The following CAND1 variants were observed in gnomAD, a reference collection of about 807,000 sequenced individuals.
The protein encoded by CAND1 is cullin-associated NEDD8-dissociated protein 1.
Under a neutral mutation model 108.5 loss-of-function variants are expected in CAND1, and 7 were observed. That is an observed-to-expected ratio of 0.06 (90% CI 0.04 to 0.12). CAND1 has a LOEUF of 0.12. Among genes scored for constraint, CAND1 ranks in the 10% least tolerant of loss-of-function variants. The pLI is 1.00. For missense variants in CAND1, 941 were observed against 1,448.7 expected, an observed-to-expected ratio of 0.65 and a Z score of 5.69; for synonymous variants, 534 against 512.0, an observed-to-expected ratio of 1.04 and a Z score of -0.58.
chr12:67,269,565 G>A lies in CAND1; in HGVS notation c.-153G>A. The A allele has an allele frequency of 3.3e-6, 2 of 614,990 alleles. No individual in the cohort carries two copies. Among genetic ancestry groups the A allele is most frequent in the Non-Finnish European group, 2.8e-6 (1 of 363,066 alleles). The allele number at this position is 614,990 out of a possible 1,614,324, so 38.1% of individuals were successfully genotyped here. A position where few individuals can be genotyped will look rare whatever the true frequency, so the allele number is the denominator to read the frequency against. On this transcript the variant is annotated 5_prime_UTR_variant, in exon 1 of 15. Transcript: ENST00000545606. The stretch of plus-strand genomic sequence containing the variant: ...GCCAGGGAGGGGGCAGCCCGTCGAG[G>A]CGCCTCCCTAGTCAGCGTCGGCGTC...
chr12:67,302,231 T>C, intron 7 of CAND1, 92 bp from the exon 8 acceptor site: 5 of 1,181,876 alleles, frequency 4.2e-6, no homozygotes, highest in Non-Finnish European at 6.0e-6. Context: ...TTAGATTAAC[T>C]GATTTGGTTA....
chr12:67,309,890 T>G lies in CAND1; in HGVS notation c.3026-11T>G. The G allele has an allele frequency of 6.3e-7, 1 of 1,580,676 alleles. No homozygotes were observed. Among genetic ancestry groups the G allele is most frequent in the Non-Finnish European group, 8.6e-7 (1 of 1,162,016 alleles). On this transcript the variant is annotated splice_polypyrimidine_tract_variant and intron_variant, in intron 11 of 14. Transcript: ENST00000545606. ...TCATGTCTGTCTGTTGCTTTTCTTG[T>G]AATATTTCAGGTGATTTCCTAAAAA...
chr12:67,269,603 T>A lies in CAND1; in HGVS notation c.-115T>A. ...CAGCGTCGGCGTCGCGCTGCGACCC[T>A]GGAAGCGGGAGCCGCCGCGAGCGAG... On this transcript the variant is annotated 5_prime_UTR_variant, in exon 1 of 15. Coordinates refer to ENST00000545606, the MANE Select transcript of CAND1 (RefSeq NM_018448.5). The A allele has an allele frequency of 1.1e-6, 1 of 871,318 alleles. No homozygotes were observed. The highest frequency in any genetic ancestry group is 1.8e-6 in the Non-Finnish European group (1 of 565,526). 54.0% of individuals were successfully genotyped at this position (871,318 alleles called of 1,614,324 possible).
At position 67,308,543 on chromosome 12, in the gene CAND1, G is replaced by T. The variant is rs182244395; in HGVS notation, c.3025+1051G>T. Among the ~76,000 whole-genome samples, 10 of 152,170 alleles carry T rather than the reference G, an allele frequency of 6.6e-5. 1 individual carries two copies. The East Asian group carries it at 1.9e-3, about 29-fold the overall frequency. The stretch of plus-strand genomic sequence containing the variant: ...TATGCATTGTTGATACAGTTACTCA[G>T]CCAGGTAGTTAGCATTCTAATTGAA... On this transcript the variant is annotated intron_variant, in intron 11 of 14. Transcript: ENST00000545606.
At chr12:67,283,644 C>CAAAGAA (rs1453671626) in intron 2 of CAND1, among the ~76,000 whole-genome samples, 2 of 150,242 alleles carry the variant, frequency 1.3e-5, no homozygotes, top group African/African-American at 4.9e-5. Context: ...TAGTTTAATT[C>CAAAGAA]TTTATCTTTT....
Position 67,306,109 on chromosome 12 carries a change from G to A in CAND1, c.2441G>A (p.Gly814Glu), listed in dbSNP as rs1318180358. 3.1e-6 allele frequency: 5 copies of A among 1,614,116 alleles called. No homozygotes were observed. In the East Asian group the frequency reaches 8.9e-5, roughly 29 times the overall value. The change falls in exon 10 of 15, where the codon GGA (glycine) becomes GAA (glutamate). Residue 814 changes from glycine (G) to glutamate (E), a missense_variant. Coordinates refer to ENST00000545606, the MANE Select transcript of CAND1 (RefSeq NM_018448.5). The stretch of plus-strand genomic sequence containing the variant: ...CTTACTCGAGCATGCCCTAAAGAGG[G>A]ACCAGCTGTAGTAGGTCAGTTTATT... Reference protein sequence around the residue: ...AALTRACPKEGPAVVGQFIQD... With the variant: ...AALTRACPKEEPAVVGQFIQD...
intron 2 of CAND1, among the ~76,000 whole-genome samples, chr12:67,290,749 T>C (rs1249253716): frequency 6.6e-6 from 1 of 152,150 alleles, no homozygotes; most frequent in African/African-American, 2.4e-5. Context: ...CAGTGACTTC[T>C]TAATATAGGG....
At chr12:67,298,483 T>A (rs548437672) in intron 6 of CAND1, among the ~76,000 whole-genome samples, 13 of 152,312 alleles carry the variant, frequency 8.5e-5, no homozygotes, top group Admixed American at 5.9e-4. Flanking sequence ...GATTCATTTT[T>A]GTTCCTTTAG....
rs928582705 is a variant in CAND1 at position 67,315,004 on chromosome 12, C to A, written c.*2174C>A. 6.6e-6 allele frequency: 1 copy of A among 152,162 alleles called. No homozygotes were observed. The highest frequency in any genetic ancestry group is 6.5e-5 in the Admixed American group (1 of 15,274). The allele number at this position is 152,162 out of a possible 1,614,324, so 9.4% of individuals were successfully genotyped here. On this transcript the variant is annotated 3_prime_UTR_variant, in exon 15 of 15. Transcript: ENST00000545606. ...GGATGTGGAGTCCAGACATAGTCTA[C>A]CACTCATGCTACTTACTAGTAATAT...
intron 1 of CAND1, among the ~76,000 whole-genome samples, chr12:67,281,121 AATT>A (rs1333377736): frequency 1.3e-5 from 2 of 150,504 alleles, no homozygotes; most frequent in East Asian, 3.9e-4. Flanking sequence ...TATAAATTAT[AATT>A]ATTATAAATA....
chr12:67,304,578 C>T, intron 8 of CAND1, 27 bp from the exon 9 acceptor site: 1 of 1,605,770 alleles, frequency 6.2e-7, no homozygotes, highest in Non-Finnish European at 8.5e-7. Flanking sequence ...ACAGCTGAAC[C>T]AGCTAATGAC....
intron 1 of CAND1, among the ~76,000 whole-genome samples, chr12:67,273,479 CTTTTTTTTT>C (rs535435592): frequency 7.7e-6 from 1 of 130,628 alleles, no homozygotes; most frequent in Non-Finnish European, 1.6e-5. Flanking sequence ...AAGTTCTTTT[CTTTTTTTTT>C]TTTTTTTTTA....
chr12:67,306,756 T>G (rs1339487947), intron 10 of CAND1, among the ~76,000 whole-genome samples, 159 bp downstream of exon 10: 1 of 152,196 alleles, frequency 6.6e-6, no homozygotes, highest in Non-Finnish European at 1.5e-5. Flanking sequence ...GGAGTGATAT[T>G]CAAATGACAT....
At chr12:67,293,701 C>T (rs1346765926) in intron 3 of CAND1, among the ~76,000 whole-genome samples, 5 of 151,670 alleles carry the variant, frequency 3.3e-5, no homozygotes, top group Non-Finnish European at 7.4e-5. Flanking sequence ...TGTGGTGAGC[C>T]GAGATGGTGC....
Position 67,283,371 on chromosome 12 carries a change from G to A in CAND1, c.212+1318G>A, listed in dbSNP as rs149973068. On this transcript the variant is annotated intron_variant, in intron 2 of 14. Transcript: ENST00000545606. ...GGCCGAGGCAGGTGGATCACCTGAG[G>A]TCAGGAGTTGGAGACCAGCATGGGC... Among the ~76,000 whole-genome samples the A allele has an allele frequency of 3.8e-3, 571 of 152,230 alleles. 3 individuals carry two copies. Among genetic ancestry groups the A allele is most frequent in the African/African-American group, 0.013 (541 of 41,538 alleles).
At chr12:67,286,977 T>C (rs549887548) in intron 2 of CAND1, among the ~76,000 whole-genome samples, 36 of 152,370 alleles carry the variant, frequency 2.4e-4, no homozygotes, top group African/African-American at 8.7e-4. Context: ...AGTGTGGGTC[T>C]GTTTTTAGAT....
At chr12:67,309,390 A>T (rs1045353324) in intron 11 of CAND1, among the ~76,000 whole-genome samples, 3 of 152,034 alleles carry the variant, frequency 2.0e-5, no homozygotes, top group African/African-American at 7.2e-5. Context: ...GAAATAAAGT[A>T]GGGCTTTTGG....
intron 7 of CAND1, 120 bp downstream of exon 7, chr12:67,299,215 A>C: frequency 1.0e-6 from 1 of 973,638 alleles, no homozygotes; most frequent in Non-Finnish European, 1.4e-6. Flanking sequence ...AAGGGAAATG[A>C]TCTCAATATT....
At chr12:67,270,885 A>T (rs2044515267) in intron 1 of CAND1, 1 of 152,182 alleles carries the variant, frequency 6.6e-6, no homozygotes, top group Non-Finnish European at 1.5e-5. Flanking sequence ...ATAGTCTTCA[A>T]CTAAAATTGT....
Sources: gnomAD v4.1 joint callset for allele counts (sites outside exome capture counted in the v4.1 genomes callset) on GRCh38, gnomAD v4.1.1 for gene constraint, MANE v1.5 for transcripts, NCBI Gene and HGNC (gene_info 2026-07-23, HGNC 2026-07-21) for gene names.